The following CCDC144A variants were observed in gnomAD, a reference collection of about 807,000 sequenced individuals.
The protein encoded by CCDC144A is coiled-coil domain-containing protein 144A.
Under a neutral mutation model 143.8 loss-of-function variants are expected in CCDC144A, and 41 were observed. The ratio of observed to expected loss-of-function variants is 0.29; its 90% CI spans 0.22 to 0.37. The LOEUF is 0.37. CCDC144A is among the 10% of genes least tolerant of loss of function. The probability of loss-of-function intolerance (pLI) is 1.00; values close to 1 mark genes in which losing one functional copy is unlikely to be tolerated. For synonymous variants in CCDC144A, 242 were observed against 517.9 expected (o/e 0.47, Z 7.23); for missense variants, 637 against 1,488.8 (o/e 0.43, Z 9.41).
At chr17:16,733,815 A>G (rs1913866359) in intron 11 of CCDC144A, among the ~76,000 whole-genome samples, 1 of 152,216 alleles carries the variant, frequency 6.6e-6, no homozygotes, top group Non-Finnish European at 1.5e-5. Context: ...AGAATTGTGT[A>G]TAAATGAGTT....
At position 16,716,019 on chromosome 17, in the gene CCDC144A, GT is replaced by G. The variant is rs1912732022; in HGVS notation, c.1716-4176del. 2.0e-5 allele frequency among the ~76,000 whole-genome samples: 3 copies of G among 152,308 alleles called. No homozygotes were observed. The South Asian group carries it at 6.2e-4, about 32-fold the overall frequency. ...TGCTTGTTACAAATGTAGCTACTAA[GT>G]TTGAGACAACTTTAAACTGCAGTTT... On this transcript the variant is annotated intron_variant, in intron 6 of 16. Transcript: ENST00000399273.
chr17:16,742,420 T>C (rs1172195418), intron 12 of CCDC144A, among the ~76,000 whole-genome samples: 1 of 152,204 alleles, frequency 6.6e-6, no homozygotes, highest in African/African-American at 2.4e-5. Context: ...TATTCCACTG[T>C]GGACATATAC....
In CCDC144A at chr17:16,690,490, G is replaced by A; in HGVS notation, c.90G>A (p.Gly30=). ...VYATRKTPSV[G]SQGDQWYLGY... ...CCACGAGGAAGACCCCTAGCGTCGGGAGCCAGGGGGACCAGTGGTACTTGG... is the reference window on the plus strand; with the variant it reads ...CCACGAGGAAGACCCCTAGCGTCGGAAGCCAGGGGGACCAGTGGTACTTGG... The change falls in exon 1 of 17, where the codon GGG becomes GGA. Residue 30 remains glycine, a synonymous_variant. Coordinates refer to ENST00000399273, the MANE Select transcript of CCDC144A (RefSeq NM_001382000.1). 2.5e-6 allele frequency: 4 copies of A among 1,613,500 alleles called. No individual in the cohort carries two copies. Among genetic ancestry groups the A allele is most frequent in the Non-Finnish European group, 3.4e-6 (4 of 1,179,798 alleles).
intron 12 of CCDC144A, among the ~76,000 whole-genome samples, chr17:16,747,526 T>G (rs2264471): frequency 0.038 from 4,097 of 107,776 alleles, 9 homozygotes; most frequent in East Asian, 0.083. Flanking sequence ...ATTTTAATGC[T>G]ATTGATTTTT....
chr17:16,773,766 A>T lies in CCDC144A; in HGVS notation c.*133A>T, dbSNP rs1915913624. On this transcript the variant is annotated 3_prime_UTR_variant, in exon 17 of 17. Coordinates refer to ENST00000399273, the MANE Select transcript of CCDC144A (RefSeq NM_001382000.1). The stretch of plus-strand genomic sequence containing the variant: ...GATGAAAATTTATATAGTATTTTAA[A>T]TAATGTTTCTTGGCCTCTTCAGCTA... The T allele has an allele frequency of 8.6e-7, 1 of 1,163,894 alleles. No homozygotes were observed. The highest frequency in any genetic ancestry group is 2.4e-5 in the South Asian group (1 of 42,542). The allele number at this position is 1,163,894 out of a possible 1,614,324, so 72.1% of individuals were successfully genotyped here. A position where few individuals can be genotyped will look rare whatever the true frequency, so the allele number is the denominator to read the frequency against.
chr17:16,695,057 T>A (rs1416584613), intron 2 of CCDC144A, among the ~76,000 whole-genome samples: 1 of 152,248 alleles, frequency 6.6e-6, no homozygotes, highest in African/African-American at 2.4e-5. Flanking sequence ...TACATGTTAA[T>A]CAAAGAACTT....
intron 15 of CCDC144A, chr17:16,767,018 G>C (rs184739759): frequency 6.6e-6 from 1 of 152,354 alleles, no homozygotes; most frequent in Admixed American, 6.5e-5. Context: ...ATGAGTGCTG[G>C]GTACGGAGGC....
At chr17:16,692,253 A>C (rs1051880619) in intron 1 of CCDC144A, among the ~76,000 whole-genome samples, 2 of 150,786 alleles carry the variant, frequency 1.3e-5, no homozygotes, top group African/African-American at 4.9e-5. Context: ...ACAGTAGTCC[A>C]AGCTAGGTCT....
chr17:16,701,356 C>A (rs1348055334), intron 2 of CCDC144A, among the ~76,000 whole-genome samples: 1 of 151,530 alleles, frequency 6.6e-6, no homozygotes, highest in East Asian at 1.9e-4. Context: ...AGACACATCA[C>A]CCCCAAGGTC....
the CCDC144A span, among the ~76,000 whole-genome samples, chr17:16,668,189 AAT>A: frequency 2.0e-5 from 3 of 149,126 alleles, no homozygotes; most frequent in African/African-American, 7.4e-5. Context: ...TTCATTTTTC[AAT>A]GTGTTATTCA....
At chr17:16,678,136 T>C in the CCDC144A span, among the ~76,000 whole-genome samples, 1 of 152,202 alleles carries the variant, frequency 6.6e-6, no homozygotes, top group South Asian at 2.1e-4. Flanking sequence ...AAACCATTCA[T>C]AATTTATCCC....
chr17:16,671,258 T>C, the CCDC144A span, among the ~76,000 whole-genome samples: 1 of 152,096 alleles, frequency 6.6e-6, no homozygotes, highest in Non-Finnish European at 1.5e-5. Context: ...GCTGGGTTAA[T>C]AGGTGTGAGC....
chr17:16,693,559 T>G (rs1318434542), intron 2 of CCDC144A, among the ~76,000 whole-genome samples: 1 of 151,988 alleles, frequency 6.6e-6, no homozygotes, highest in Non-Finnish European at 1.5e-5. Flanking sequence ...TCATGATCCA[T>G]CCGCCTCGGC....
intron 4 of CCDC144A, 89 bp downstream of exon 4, chr17:16,707,631 C>G (rs1912136265): frequency 2.8e-6 from 2 of 710,144 alleles, no homozygotes; most frequent in East Asian, 5.8e-5. Context: ...AATGAAATTA[C>G]CTCTCAGACT....
rs527328983 is a variant in CCDC144A, at chr17:16,758,383, G to A, written c.3373-3042G>A. 3.3e-5 allele frequency among the ~76,000 whole-genome samples: 5 copies of A among 152,324 alleles called. No homozygotes were observed. The East Asian group carries it at 5.8e-4, about 18-fold the overall frequency. ...AGATCCTACCATCTTTATCACAGACGGTAGGGATGCACCCTGGGTTGTGGT... is the reference window on the plus strand; with the variant it reads ...AGATCCTACCATCTTTATCACAGACAGTAGGGATGCACCCTGGGTTGTGGT... On this transcript the variant is annotated intron_variant, in intron 12 of 16. Transcript: ENST00000399273.
rs544291756 is a variant in CCDC144A at position 16,748,622 on chromosome 17, A to G, written c.3373-12803A>G. On this transcript the variant is annotated intron_variant, in intron 12 of 16. Coordinates refer to ENST00000399273, the MANE Select transcript of CCDC144A (RefSeq NM_001382000.1). ...GGCATCATACAATGAGTTAGGGAGAAGTATCTCCTCAATATTTTGGAATAG... is the reference window on the plus strand; with the variant it reads ...GGCATCATACAATGAGTTAGGGAGAGGTATCTCCTCAATATTTTGGAATAG... 2.8e-3 allele frequency among the ~76,000 whole-genome samples: 421 copies of G among 152,316 alleles called. 2 individuals are homozygous for G. Among genetic ancestry groups the G allele is most frequent in the African/African-American group, 9.9e-3 (410 of 41,572 alleles).
upstream of CCDC144A, among the ~76,000 whole-genome samples, chr17:16,688,370 C>T (rs1008879604): frequency 6.6e-6 from 1 of 151,492 alleles, no homozygotes; most frequent in African/African-American, 2.4e-5. Flanking sequence ...GATGTGCACA[C>T]GATATGTGCA....
intron 15 of CCDC144A, among the ~76,000 whole-genome samples, chr17:16,767,522 T>A (rs549712383): frequency 5.0e-3 from 81 of 16,116 alleles, no homozygotes; most frequent in Middle Eastern, 0.053. Context: ...GGGGGTGGGG[T>A]GGGTTTCTGG....
intron 15 of CCDC144A, 96 bp downstream of exon 15, chr17:16,764,271 G>A: frequency 6.5e-7 from 1 of 1,536,680 alleles, no homozygotes. Context: ...TGTATGGTAA[G>A]TAAAAGTAAT....
Sources: allele counts gnomAD v4.1 joint callset (sites outside exome capture counted in the v4.1 genomes callset), GRCh38; gene constraint gnomAD v4.1.1; transcripts MANE v1.5; gene names NCBI Gene and HGNC (gene_info 2026-07-23, HGNC 2026-07-21).